The following URB1 variants were observed in gnomAD, a reference collection of about 807,000 sequenced individuals.
The protein encoded by URB1 is URB1 ribosome biogenesis factor.
URB1 carries 197 observed loss-of-function variants against 242.3 expected under a neutral mutation model. That is an observed-to-expected ratio of 0.81 (90% CI 0.72 to 0.91). The LOEUF is 0.91. Ranked by LOEUF, URB1 falls within the 40% of genes least tolerant of loss-of-function variation. The pLI is 0.00. For missense variants in URB1, 2,721 were observed against 2,860.5 expected (o/e 0.95, Z 1.11); for synonymous variants, 1,153 against 1,201.8 (o/e 0.96, Z 0.84).
chr21:32,382,129 G>A (rs1190162765), intron 4 of URB1, among the ~76,000 whole-genome samples: 4 of 152,154 alleles, frequency 2.6e-5, no homozygotes. Flanking sequence ...TTCCCACGCT[G>A]TCTGGGCTCC....
chr21:32,332,569 C>CAA (rs370649839), intron 30 of URB1, among the ~76,000 whole-genome samples: 262 of 1,820 alleles, frequency 0.14, 71 homozygotes, highest in East Asian at 0.44. Flanking sequence ...AAACAAAAGA[C>CAA]AAAAAAAAAA....
chr21:32,337,073 T>C (rs1427608985), intron 28 of URB1, 21 bp downstream of exon 28: 3 of 1,550,300 alleles, frequency 1.9e-6, no homozygotes, highest in Non-Finnish European at 1.7e-6. Context: ...AGGCCTAGTC[T>C]ACCTCTAGCC....
chr21:32,338,894 C>G lies in URB1; in HGVS notation c.4323G>C (p.Arg1441=). The change falls in exon 26 of 39, where the codon CGG becomes CGC. Residue 1441 remains arginine, a synonymous_variant. Transcript: ENST00000382751. ...TCTTTAAAAATGTGTGGTCCTGGTA[C>G]CGAAATCTAGGCGGCGAGAGTCAAA... ...QKFVKKGLKF[R]YQDHTFLKML... is the part of the protein sequence containing the mutation. 6.5e-7 allele frequency: 1 copy of G among 1,535,334 alleles called. No individual in the cohort carries two copies. Among genetic ancestry groups the G allele is most frequent in the East Asian group, 2.5e-5 (1 of 40,438 alleles).
chr21:32,366,498 G>A (rs751100533), intron 10 of URB1, 120 bp downstream of exon 10: 129 of 1,399,558 alleles, frequency 9.2e-5, no homozygotes, highest in Middle Eastern at 5.1e-4. Context: ...GGAAGCCTCC[G>A]AGGCCCCCTG....
chr21:32,338,789 G>T lies in URB1; in HGVS notation c.4428C>A (p.Tyr1476Ter). ...ACAGCGAGTGCTGCATGAGCATCAC[G>T]TAGACCACCGGGAGCTGGATGAGCT... The part of the protein sequence containing the change: ...RTKLIQLPVV[Y>*]VMLMQHSLFL... The change falls in exon 26 of 39, where the codon TAC (tyrosine) becomes TAA (stop). Residue 1476 changes from tyrosine (Y) to a stop codon, truncating the protein, a stop_gained. Coordinates refer to ENST00000382751, the MANE Select transcript of URB1 (RefSeq NM_014825.3). LOFTEE classifies it high-confidence loss of function. The T allele has an allele frequency of 6.4e-7, 1 of 1,551,684 alleles. No individual in the cohort carries two copies. The highest frequency in any genetic ancestry group is 8.7e-7 in the Non-Finnish European group (1 of 1,146,994).
chr21:32,392,098 G>A (rs2033645507), intron 1 of URB1, among the ~76,000 whole-genome samples: 1 of 152,106 alleles, frequency 6.6e-6, no homozygotes, highest in Admixed American at 6.5e-5. Context: ...TATTTAACCT[G>A]GGAGAAAAAC....
At chr21:32,337,064 G>A (rs551380001) in intron 28 of URB1, 30 bp downstream of exon 28, 5 of 1,548,772 alleles carry the variant, frequency 3.2e-6, no homozygotes, top group Non-Finnish European at 4.4e-6. Context: ...GTGACCTCAA[G>A]GCCTAGTCTA....
In URB1 at chr21:32,312,257, A is replaced by T; in HGVS notation, c.*2661T>A. The T allele has an allele frequency of 7.1e-7, 1 of 1,408,832 alleles. No homozygotes were observed. The highest frequency in any genetic ancestry group is 2.7e-5 in the East Asian group (1 of 37,594). 87.3% of individuals were successfully genotyped at this position (1,408,832 alleles called of 1,614,324 possible). On this transcript the variant is annotated 3_prime_UTR_variant, in exon 39 of 39. Transcript: ENST00000382751. ...TGCTTATATTTGCTCAGGGAAGAGT[A>T]GGAAAATAAAATATATGCAAATCAA...
chr21:32,320,445 C>T, intron 35 of URB1, 86 bp downstream of exon 35: 1 of 1,033,178 alleles, frequency 9.7e-7, no homozygotes, highest in Non-Finnish European at 1.4e-6. Flanking sequence ...ACATTTCCAA[C>T]CAACAACAGA....
intron 8 of URB1, among the ~76,000 whole-genome samples, chr21:32,368,910 G>C (rs9984884): frequency 6.6e-6 from 1 of 151,852 alleles, no homozygotes; most frequent in Non-Finnish European, 1.5e-5. Flanking sequence ...ATTCTCTCTC[G>C]CTCTACCTCA....
At position 32,345,477 on chromosome 21, in the gene URB1, G is replaced by C. The variant is rs895431689; in HGVS notation, c.3967C>G (p.Gln1323Glu). ...GGGACCAGCTGTGCCAGGATCTCCT[G>C]GTACAGCCCAGATGCTGGGGGACTG... ...TDSPPASGLYQEILAQLVPFA... is the reference protein window; with the variant it reads ...TDSPPASGLYEEILAQLVPFA... Residue 1323 changes from glutamine (Q) to glutamate (E), a missense_variant, in exon 23 of 39, where the codon CAG becomes GAG. Physicochemically the swap from Gln to Glu is conservative, Grantham distance 29 (BLOSUM62 2). Coordinates refer to ENST00000382751, the MANE Select transcript of URB1 (RefSeq NM_014825.3). The C allele has an allele frequency of 6.4e-7, 1 of 1,551,488 alleles. No homozygotes were observed. Among genetic ancestry groups the C allele is most frequent in the Non-Finnish European group, 8.7e-7 (1 of 1,146,962 alleles).
chr21:32,360,186 G>A (rs1043046014), intron 13 of URB1, among the ~76,000 whole-genome samples: 1 of 152,098 alleles, frequency 6.6e-6, no homozygotes, highest in African/African-American at 2.4e-5. Flanking sequence ...CCAAACAGCT[G>A]GAATCAGGCA....
At position 32,354,860 on chromosome 21, in the gene URB1, G is replaced by A. The variant is rs775513200; in HGVS notation, c.2244C>T (p.Asp748=). The A allele has an allele frequency of 1.5e-5, 23 of 1,552,108 alleles. No homozygotes were observed. The highest frequency in any genetic ancestry group is 5.9e-5 in the Admixed American group (3 of 50,966). ...AGCGCAGAACAGAATGGAACATACC[G>A]TCAATGTGGGAGATGGGAATGCTCA... The part of the protein sequence containing the change: ...DDMSIPISHI[D]DVLDMVDVLV... The change falls in exon 17 of 39, where the codon GAC becomes GAT. Residue 748 remains aspartate (D), a splice_region_variant and synonymous_variant. Transcript: ENST00000382751.
At position 32,372,552 on chromosome 21, in the gene URB1, T is replaced by C; in HGVS notation, c.956A>G (p.Lys319Arg). The C allele has an allele frequency of 6.4e-7, 1 of 1,551,706 alleles. No homozygotes were observed. ...NFLMDLCCSL[K>R]HGINFYDASL... ...TGCATCGTAAAAATTAATTCCATGC[T>C]TGAGTGAACAGCAAAGATCCATCAG... is the stretch of plus-strand genomic sequence containing the variant. The change falls in exon 8 of 39, where the codon AAG becomes AGG. Residue 319 changes from lysine (K) to arginine (R), a missense_variant. Lys to Arg is a conservative substitution (Grantham distance 26, BLOSUM62 2). Transcript: ENST00000382751.
rs976727126 is a variant in URB1, at chr21:32,322,183, T to C, written c.5341-239A>G. ...GATAAGTATTCTATAAAAGAATATT[T>C]AATATGAATATCTAAAAACAGAATT... is the stretch of plus-strand genomic sequence containing the variant. On this transcript the variant is annotated intron_variant, in intron 33 of 38. Coordinates refer to ENST00000382751, the MANE Select transcript of URB1 (RefSeq NM_014825.3). Among the ~76,000 whole-genome samples the C allele has an allele frequency of 3.9e-5, 6 of 152,364 alleles. No homozygotes were observed. In the Middle Eastern group the frequency reaches 0.01, roughly 259 times the overall value.
At chr21:32,336,920 A>G (rs2032965998) in intron 28 of URB1, among the ~76,000 whole-genome samples, 174 bp downstream of exon 28, 1 of 152,166 alleles carries the variant, frequency 6.6e-6, no homozygotes, top group African/African-American at 2.4e-5. Flanking sequence ...GCATAAGGCC[A>G]AGCTTCCCCA....
rs772050472 is a variant in URB1, at chr21:32,314,663, G to A, written c.*255C>T. The A allele has an allele frequency of 5.0e-6, 8 of 1,610,018 alleles. No homozygotes were observed. The highest frequency in any genetic ancestry group is 6.8e-6 in the Non-Finnish European group (8 of 1,176,226). On this transcript the variant is annotated 3_prime_UTR_variant, in exon 39 of 39. Coordinates refer to ENST00000382751, the MANE Select transcript of URB1 (RefSeq NM_014825.3). ...GGAAGGGGCGGCCTGACGAGGCACT[G>A]GATGGGCCTCATGGCCTAGAAGTCC... is the stretch of plus-strand genomic sequence containing the variant.
chr21:32,374,226 T>C (rs563024128), intron 6 of URB1, among the ~76,000 whole-genome samples: 71 of 152,338 alleles, frequency 4.7e-4, no homozygotes, highest in African/African-American at 1.6e-3. Flanking sequence ...CTATTCTCCA[T>C]AAAGCTGTGA....
At position 32,319,129 on chromosome 21, in the gene URB1, T is replaced by C. The variant is rs2032729899; in HGVS notation, c.5792+88A>G. The C allele has an allele frequency of 3.7e-6, 5 of 1,349,796 alleles. No individual in the cohort carries two copies. In the South Asian group the frequency reaches 4.3e-5, roughly 12 times the overall value. 83.6% of individuals were successfully genotyped at this position (1,349,796 alleles called of 1,614,324 possible). Reference sequence around the variant, plus strand: ...GGCCCAGCGTCCCCCTGGTACAGAGTCATGACTGAGACATGGTGTCCACAG... The same window carrying C: ...GGCCCAGCGTCCCCCTGGTACAGAGCCATGACTGAGACATGGTGTCCACAG... On this transcript the variant is annotated intron_variant, in intron 36 of 38. Transcript: ENST00000382751.
Sources: allele counts gnomAD v4.1 joint callset (sites outside exome capture counted in the v4.1 genomes callset), GRCh38; gene constraint gnomAD v4.1.1; transcripts MANE v1.5; gene names NCBI Gene and HGNC (gene_info 2026-07-23, HGNC 2026-07-21).